DPF3: variants seen among roughly 807,000 people sequenced by gnomAD.
The protein encoded by DPF3 is double PHD fingers 3, also known as zinc finger protein DPF3.
A neutral mutation model predicts 56.8 loss-of-function variants in DPF3; 18 were observed. The ratio of observed to expected loss-of-function variants is 0.32; its 90% CI spans 0.22 to 0.47. The LOEUF (loss-of-function observed/expected upper bound fraction) is 0.47. Ranked by LOEUF, DPF3 falls within the 20% of genes least tolerant of loss-of-function variation. The probability of loss-of-function intolerance (pLI) is 1.00; values close to 1 mark genes in which losing one functional copy is unlikely to be tolerated. For synonymous variants in DPF3, 188 were observed against 180.2 expected (o/e 1.04, Z -0.35); for missense variants, 403 against 488.8 (o/e 0.82, Z 1.65).
At chr14:72,746,862 A>C (rs1397704826) in intron 3 of DPF3, among the ~76,000 whole-genome samples, 1 of 152,240 alleles carries the variant, frequency 6.6e-6, no homozygotes, top group Non-Finnish European at 1.5e-5. Flanking sequence ...TGGCTATGGC[A>C]AACCGCTAGC....
chr14:72,790,125 G>T (rs948924251), intron 1 of DPF3, among the ~76,000 whole-genome samples: 2 of 152,146 alleles, frequency 1.3e-5, no homozygotes, highest in Non-Finnish European at 2.9e-5. Context: ...AATGGCTCAT[G>T]CCTGTAATCC....
At chr14:72,745,817 A>G (rs539832498) in intron 3 of DPF3, among the ~76,000 whole-genome samples, 1 of 152,314 alleles carries the variant, frequency 6.6e-6, no homozygotes, top group South Asian at 2.1e-4. Flanking sequence ...GCTCTCCTTG[A>G]GCCCAAATCA....
intron 8 of DPF3, chr14:72,671,045 C>G (rs78634874): frequency 6.6e-7 from 1 of 1,514,510 alleles, no homozygotes; most frequent in Non-Finnish European, 8.8e-7. Flanking sequence ...TCTAAAGTTG[C>G]CTTTCATTAA....
intron 7 of DPF3, among the ~76,000 whole-genome samples, chr14:72,690,592 A>G (rs1352004133): frequency 6.6e-6 from 1 of 151,668 alleles, no homozygotes; most frequent in Non-Finnish European, 1.5e-5. Flanking sequence ...CAACACGTAT[A>G]CACACGCACA....
intron 1 of DPF3, among the ~76,000 whole-genome samples, chr14:72,864,370 A>C (rs1392251122): frequency 1.3e-5 from 2 of 152,142 alleles, no homozygotes; most frequent in African/African-American, 4.8e-5. Flanking sequence ...CTGCCACAGC[A>C]TTTACACTTG....
chr14:72,734,744 A>G (rs900879398), intron 3 of DPF3, among the ~76,000 whole-genome samples: 9 of 152,244 alleles, frequency 5.9e-5, no homozygotes, highest in Non-Finnish European at 1.2e-4. Flanking sequence ...CAACAGCCAC[A>G]CAGCAGGATG....
At chr14:72,742,895 C>T (rs991187158) in intron 3 of DPF3, among the ~76,000 whole-genome samples, 16 of 152,146 alleles carry the variant, frequency 1.1e-4, no homozygotes, top group African/African-American at 3.4e-4. Flanking sequence ...TCGAGCTGGC[C>T]AGACTCAAGT....
chr14:72,778,437 C>A (rs983184702), intron 1 of DPF3, among the ~76,000 whole-genome samples: 2 of 152,168 alleles, frequency 1.3e-5, no homozygotes, highest in South Asian at 4.2e-4. Flanking sequence ...CCCATCAACC[C>A]CAGATGAGAC....
intron 2 of DPF3, among the ~76,000 whole-genome samples, chr14:72,756,876 GGAAA>G (rs1473429129): frequency 7.7e-4 from 52 of 67,806 alleles, no homozygotes; most frequent in African/African-American, 3.0e-3. Context: ...AAGAAAGGAA[GGAAA>G]GAAGGAAAGA....
intron 8 of DPF3, among the ~76,000 whole-genome samples, chr14:72,641,648 G>T (rs1885568479): frequency 6.6e-6 from 1 of 152,338 alleles, no homozygotes; most frequent in Middle Eastern, 3.4e-3. Flanking sequence ...AGCACTGGGA[G>T]CCAAACGGAA....
At chr14:72,677,250 C>T (rs1886949485) in intron 7 of DPF3, among the ~76,000 whole-genome samples, 1 of 152,176 alleles carries the variant, frequency 6.6e-6, no homozygotes, top group African/African-American at 2.4e-5. Flanking sequence ...TTTTATTTTT[C>T]AGAGAAATCA....
At chr14:72,838,724 T>A (rs1246447466) in intron 1 of DPF3, among the ~76,000 whole-genome samples, 3 of 148,130 alleles carry the variant, frequency 2.0e-5, no homozygotes, top group Non-Finnish European at 4.5e-5. Context: ...ACCACTGCAC[T>A]TCATCCTGGA....
chr14:72,799,434 G>A (rs1427388689), intron 1 of DPF3, among the ~76,000 whole-genome samples: 4 of 152,116 alleles, frequency 2.6e-5, no homozygotes, highest in African/African-American at 4.8e-5. Flanking sequence ...GGAGGCTGAG[G>A]AAGGAGGATT....
At chr14:72,695,723 G>C (rs996617574) in intron 6 of DPF3, among the ~76,000 whole-genome samples, 1 of 152,066 alleles carries the variant, frequency 6.6e-6, no homozygotes, top group African/African-American at 2.4e-5. Context: ...AGAGGGCAAG[G>C]CTTGAAAACC....
chr14:72,861,257 A>G (rs1288257767), intron 1 of DPF3, among the ~76,000 whole-genome samples: 2 of 152,132 alleles, frequency 1.3e-5, no homozygotes, highest in Admixed American at 1.3e-4. Context: ...ATGATTATGT[A>G]AGCTCTATTC....
chr14:72,790,995 G>A (rs980166799), intron 1 of DPF3, among the ~76,000 whole-genome samples: 19 of 152,116 alleles, frequency 1.2e-4, no homozygotes, highest in Non-Finnish European at 2.6e-4. Flanking sequence ...GCCGAGAGAG[G>A]GAAGAGAGAC....
chr14:72,785,074 C>T (rs1353690536), intron 1 of DPF3, among the ~76,000 whole-genome samples: 2 of 152,016 alleles, frequency 1.3e-5, no homozygotes, highest in Non-Finnish European at 2.9e-5. Context: ...TCACTTGAGG[C>T]CAGGAGTTGA....
At chr14:72,652,297 G>C (rs935347172) in intron 8 of DPF3, among the ~76,000 whole-genome samples, 2 of 152,178 alleles carry the variant, frequency 1.3e-5, no homozygotes, top group African/African-American at 4.8e-5. Flanking sequence ...TGGAGAGGCG[G>C]GTGGTCCCCA....
At chr14:72,747,664 C>T (rs1220436142) in intron 3 of DPF3, among the ~76,000 whole-genome samples, 1 of 151,328 alleles carries the variant, frequency 6.6e-6, no homozygotes, top group African/African-American at 2.4e-5. Flanking sequence ...TATGGTTTGG[C>T]TCTGTGTCCC....
Sources: gnomAD v4.1 joint callset for allele counts (sites outside exome capture counted in the v4.1 genomes callset) on GRCh38, gnomAD v4.1.1 for gene constraint, MANE v1.5 for transcripts, NCBI Gene and HGNC (gene_info 2026-07-23, HGNC 2026-07-21) for gene names.